GSS: variants seen among roughly 807,000 people sequenced by gnomAD.
GSS encodes the protein glutathione synthetase, also known as GSH synthetase.
In GSS, 34 loss-of-function variants were observed where a neutral mutation model predicts 60.4. The observed-to-expected ratio is 0.56, with a 90% confidence interval of 0.43 to 0.75. The LOEUF is 0.75. Among genes scored for constraint, GSS ranks in the 30% least tolerant of loss-of-function variants. The pLI is 0.00. For missense variants in GSS, 499 were observed against 595.1 expected, an observed-to-expected ratio of 0.84 and a Z score of 1.68; for synonymous variants, 224 against 239.0, an observed-to-expected ratio of 0.94 and a Z score of 0.58.
chr20:34,928,970 G>A lies in GSS; in HGVS notation c.1302-19C>T. Reference sequence around the variant, plus strand: ...TTCCTGCCTATAGAAATGGAGGCAGGGGACACACATCACCTGGACTCAGCC... The same window carrying A: ...TTCCTGCCTATAGAAATGGAGGCAGAGGACACACATCACCTGGACTCAGCC... On this transcript the variant is annotated intron_variant, in intron 12 of 12. Coordinates refer to ENST00000651619, the MANE Select transcript of GSS (RefSeq NM_000178.4). 3 of 1,612,570 alleles carry A rather than the reference G, an allele frequency of 1.9e-6. No homozygotes were observed. Among genetic ancestry groups the A allele is most frequent in the Non-Finnish European group, 2.5e-6 (3 of 1,180,004 alleles).
At chr20:34,950,247 A>G (rs534858200) in intron 2 of GSS, 1 of 152,306 alleles carries the variant, frequency 6.6e-6, no homozygotes, top group South Asian at 2.1e-4. Flanking sequence ...TTCACAGCCC[A>G]AGCAATTCTA....
intron 1 of GSS, 98 bp from the exon 2 acceptor site, chr20:34,951,958 G>A: frequency 7.9e-7 from 1 of 1,257,900 alleles, no homozygotes; most frequent in Non-Finnish European, 1.1e-6. Flanking sequence ...GCAGGACCCT[G>A]ACCTCTGTTG....
At chr20:34,935,257 A>T (rs1340217584) in intron 9 of GSS, among the ~76,000 whole-genome samples, 6 of 152,218 alleles carry the variant, frequency 3.9e-5, no homozygotes, top group Non-Finnish European at 7.4e-5. Context: ...AGGAAAAAAA[A>T]TGGTCAGCAG....
chr20:34,937,227 T>C (rs1175683574), intron 6 of GSS, among the ~76,000 whole-genome samples: 3 of 152,080 alleles, frequency 2.0e-5, no homozygotes, highest in Admixed American at 6.6e-5. Context: ...TTCCTGAAAA[T>C]AGAAAACTTC....
chr20:34,929,288 T>C, intron 12 of GSS, 113 bp downstream of exon 12: 1 of 935,226 alleles, frequency 1.1e-6, no homozygotes, highest in Non-Finnish European at 1.8e-6. Context: ...TTGGCAGAGC[T>C]GGCACCGAAG....
Position 34,946,052 on chromosome 20 carries a change from C to T in GSS, c.176G>A (p.Ser59Asn), listed in dbSNP as rs1243423227. The change falls in exon 3 of 13, where the codon AGT becomes AAT. Residue 59 changes from serine to asparagine, a missense_variant. Transcript: ENST00000651619. The part of the protein sequence containing the change: ...PFTLFPSLVP[S>N]ALLEQAYAVQ... ...AGCATAGGCTTGCTCCAGCAGGGCA[C>T]TGGGGACCAGTGAGGGGAAGAGCGT... 2 of 1,613,922 alleles carry T rather than the reference C, an allele frequency of 1.2e-6. No homozygotes were observed. The highest frequency in any genetic ancestry group is 1.7e-6 in the Non-Finnish European group (2 of 1,179,820).
chr20:34,937,076 T>C (rs2081447158), intron 6 of GSS, 53 bp from the exon 7 acceptor site: 1 of 1,359,390 alleles, frequency 7.4e-7, no homozygotes, highest in African/African-American at 1.4e-5. Context: ...GTTCTTCTTT[T>C]GTTTCTCCCC....
intron 9 of GSS, 118 bp downstream of exon 9, chr20:34,935,458 T>C (rs1052964110): frequency 2.6e-6 from 2 of 773,144 alleles, no homozygotes; most frequent in African/African-American, 3.4e-5. Context: ...GCAAGCTCCC[T>C]GAGAAAGAAG....
chr20:34,944,838 T>C (rs1401563588), intron 3 of GSS, among the ~76,000 whole-genome samples: 1 of 152,180 alleles, frequency 6.6e-6, no homozygotes, highest in Non-Finnish European at 1.5e-5. Flanking sequence ...GCGTGGCGTT[T>C]TCCACTGGTA....
At chr20:34,950,598 C>A (rs1363942433) in intron 2 of GSS, among the ~76,000 whole-genome samples, 3 of 150,406 alleles carry the variant, frequency 2.0e-5, no homozygotes, top group Non-Finnish European at 4.4e-5. Flanking sequence ...AAACCCTGTC[C>A]CTACCAAAAA....
At chr20:34,952,558 C>G (rs1267998396) in intron 1 of GSS, 1 of 153,682 alleles carries the variant, frequency 6.5e-6, no homozygotes, top group South Asian at 2.0e-4. Flanking sequence ...CCTCAGCCTC[C>G]CTGAGTAGCT....
chr20:34,946,430 G>A lies in GSS; in HGVS notation c.130-332C>T, dbSNP rs953554661. Among the ~76,000 whole-genome samples, 6 of 152,238 alleles carry A rather than the reference G, an allele frequency of 3.9e-5. No homozygotes were observed. The South Asian group carries it at 1.2e-3, about 31-fold the overall frequency. ...ATTCATCATTCAGCCCTGTGAGGAA[G>A]ATACTATTATTATCCACACTTAACA... On this transcript the variant is annotated intron_variant, in intron 2 of 12. Transcript: ENST00000651619.
intron 2 of GSS, 28 bp from the exon 3 acceptor site, chr20:34,946,126 G>A (rs2081520855): frequency 8.8e-6 from 14 of 1,592,698 alleles, no homozygotes; most frequent in African/African-American, 1.3e-5. Flanking sequence ...GAATGGGACA[G>A]GGGTAGGGCA....
chr20:34,931,375 G>A lies in GSS; in HGVS notation c.1072C>T (p.Pro358Ser). ...TGGGGCTTTAGCACAAACCGGCTAG[G>A]GGCAGCAAGGGCCTCGGCGATGGCC... is the stretch of plus-strand genomic sequence containing the variant. Reference protein sequence around the residue: ...DQAIAEALAAPSRFVLKPQRE... With the variant: ...DQAIAEALAASSRFVLKPQRE... Residue 358 changes from proline (P) to serine (S), a missense_variant, in exon 11 of 13, where the codon CCT becomes TCT. Pro to Ser is a moderately conservative substitution (Grantham distance 74). Coordinates refer to ENST00000651619, the MANE Select transcript of GSS (RefSeq NM_000178.4). 1 of 1,614,242 alleles carries A rather than the reference G, an allele frequency of 6.2e-7. No homozygotes were observed.
Position 34,929,594 on chromosome 20 carries a change from C to T in GSS, c.1112-4G>A, listed in dbSNP as rs1484457357. On this transcript the variant is annotated splice_region_variant and splice_polypyrimidine_tract_variant and intron_variant, in intron 11 of 12. Transcript: ENST00000651619. ...TCCTCCCCATATAGGTTGTTACCTGCAATGAAACTGGCCAGTCACCCTGGA... is the reference window on the plus strand; with the variant it reads ...TCCTCCCCATATAGGTTGTTACCTGTAATGAAACTGGCCAGTCACCCTGGA... 1 of 1,613,196 alleles carries T rather than the reference C, an allele frequency of 6.2e-7. No homozygotes were observed. The highest frequency in any genetic ancestry group is 2.2e-5 in the East Asian group (1 of 44,888).
intron 2 of GSS, among the ~76,000 whole-genome samples, chr20:34,947,514 C>T (rs899342841): frequency 6.6e-6 from 1 of 152,180 alleles, no homozygotes; most frequent in Non-Finnish European, 1.5e-5. Context: ...GACTGGGCCC[C>T]AGCCACCCAG....
In GSS at chr20:34,951,736, G is replaced by A; in HGVS notation, c.117C>T (p.Pro39=). ...GCTAGGGGCTTACCTCCGAGGAAGTGGGCTCCTGTGAGGTCCTCAGCAATA... is the reference window on the plus strand; with the variant it reads ...GCTAGGGGCTTACCTCCGAGGAAGTAGGCTCCTGTGAGGTCCTCAGCAATA... ...EGVLLRTSQE[P]TSSEVVSYAP... Residue 39 remains proline (P), a synonymous_variant, in exon 2 of 13, where the codon CCC becomes CCT. Transcript: ENST00000651619. The A allele has an allele frequency of 1.9e-6, 3 of 1,609,268 alleles. No individual in the cohort carries two copies. The highest frequency in any genetic ancestry group is 2.5e-6 in the Non-Finnish European group (3 of 1,177,494).
At chr20:34,939,840 TG>T (rs1177854794) in intron 6 of GSS, among the ~76,000 whole-genome samples, 6 of 152,010 alleles carry the variant, frequency 3.9e-5, no homozygotes, top group African/African-American at 1.5e-4. Flanking sequence ...GGCTAATTTT[TG>T]TATTTTTTAG....
At chr20:34,944,125 G>A (rs988707637) in intron 3 of GSS, among the ~76,000 whole-genome samples, 1 of 152,202 alleles carries the variant, frequency 6.6e-6, no homozygotes, top group Admixed American at 6.5e-5. Flanking sequence ...TTGGTTAGGA[G>A]GAGAGTCCCA....
Sources: allele counts gnomAD v4.1 joint callset (sites outside exome capture counted in the v4.1 genomes callset), GRCh38; gene constraint gnomAD v4.1.1; transcripts MANE v1.5; gene names NCBI Gene and HGNC (gene_info 2026-07-23, HGNC 2026-07-21).